Variants in LUZP2 observed in about 807,000 individuals in gnomAD.
The protein encoded by LUZP2 is leucine zipper protein 2.
Under a neutral mutation model 51.6 loss-of-function variants are expected in LUZP2, and 52 were observed. That is an observed-to-expected ratio of 1.01 (90% CI 0.81 to 1.27). The LOEUF (loss-of-function observed/expected upper bound fraction) is 1.27, where lower values mean the gene tolerates loss of function less well. Ranked by LOEUF, LUZP2 falls within the 50% of genes most tolerant of loss-of-function variation. The pLI is 0.00. For synonymous variants in LUZP2, 154 were observed against 137.3 expected (o/e 1.12, Z -0.85); for missense variants, 436 against 395.4 (o/e 1.10, Z -0.87).
At chr11:24,938,223 C>T (rs879542406) in intron 7 of LUZP2, among the ~76,000 whole-genome samples, 3 of 152,014 alleles carry the variant, frequency 2.0e-5, no homozygotes, top group African/African-American at 4.8e-5. Context: ...TATTGGGATA[C>T]ATTTTTTTTC....
intron 9 of LUZP2, among the ~76,000 whole-genome samples, chr11:24,992,708 C>A (rs149813827): frequency 9.6e-4 from 146 of 152,228 alleles, no homozygotes; most frequent in African/African-American, 3.3e-3. Flanking sequence ...TTTTCCCTGA[C>A]ATCTGCATTT....
intron 9 of LUZP2, among the ~76,000 whole-genome samples, chr11:25,026,713 G>C (rs1857503018): frequency 6.6e-6 from 1 of 151,986 alleles, no homozygotes; most frequent in Admixed American, 6.6e-5. Context: ...CTATGATACA[G>C]TGTACACAGT....
intron 1 of LUZP2, among the ~76,000 whole-genome samples, chr11:24,637,788 GA>G (rs113631186): frequency 5.3e-5 from 8 of 151,944 alleles, no homozygotes; most frequent in African/African-American, 1.7e-4. Flanking sequence ...TGTTTATCAA[GA>G]CAATGAGTGC....
intron 5 of LUZP2, among the ~76,000 whole-genome samples, chr11:24,884,077 T>C (rs1852584848): frequency 6.6e-6 from 1 of 152,022 alleles, no homozygotes; most frequent in Non-Finnish European, 1.5e-5. Context: ...TAGGAGTAAT[T>C]ACAGGTGAAT....
intron 5 of LUZP2, among the ~76,000 whole-genome samples, chr11:24,847,091 G>C (rs186969282): frequency 6.6e-6 from 1 of 151,546 alleles, no homozygotes. Context: ...TCAGTTACTT[G>C]AAAACACATT....
chr11:24,530,189 C>T (rs11027978), intron 1 of LUZP2, among the ~76,000 whole-genome samples: 28,596 of 150,640 alleles, frequency 0.19, 4,721 homozygotes, highest in African/African-American at 0.44. Flanking sequence ...ATTTTAAATG[C>T]AATGTACATG....
intron 9 of LUZP2, among the ~76,000 whole-genome samples, chr11:25,048,482 A>G (rs114143039): frequency 2.3e-3 from 348 of 152,352 alleles, no homozygotes; most frequent in African/African-American, 8.0e-3. Context: ...GGTGAACTCT[A>G]TGAAGACCCA....
At chr11:25,072,845 A>C (rs1293254754) in intron 10 of LUZP2, among the ~76,000 whole-genome samples, 1 of 152,136 alleles carries the variant, frequency 6.6e-6, no homozygotes, top group African/African-American at 2.4e-5. Flanking sequence ...ATTTGGTGTC[A>C]TCTTGAAGCC....
intron 5 of LUZP2, among the ~76,000 whole-genome samples, chr11:24,883,156 C>A (rs113331812): frequency 1.7e-4 from 26 of 151,898 alleles, no homozygotes; most frequent in African/African-American, 5.8e-4. Flanking sequence ...ACAATGAGGT[C>A]ATTATTCAAA....
intron 1 of LUZP2, among the ~76,000 whole-genome samples, chr11:24,542,647 CTTTA>C (rs1398879296): frequency 2.0e-5 from 3 of 151,832 alleles, no homozygotes; most frequent in African/African-American, 4.8e-5. Flanking sequence ...GGGAAAAAGT[CTTTA>C]TTTGAGTGCT....
At chr11:24,969,301 A>T (rs1324988812) in intron 7 of LUZP2, among the ~76,000 whole-genome samples, 3 of 152,102 alleles carry the variant, frequency 2.0e-5, no homozygotes, top group African/African-American at 7.2e-5. Context: ...TAAGGATAAT[A>T]GCCTAATCCT....
At chr11:24,679,950 G>A (rs1181154230) in intron 1 of LUZP2, among the ~76,000 whole-genome samples, 1 of 152,128 alleles carries the variant, frequency 6.6e-6, no homozygotes, top group Admixed American at 6.5e-5. Flanking sequence ...GAGCGATGAA[G>A]TGCTATTCCT....
chr11:25,021,787 G>T (rs537505041), intron 9 of LUZP2, among the ~76,000 whole-genome samples: 1 of 152,010 alleles, frequency 6.6e-6, no homozygotes, highest in Admixed American at 6.6e-5. Flanking sequence ...GGAATATAGA[G>T]AGTCTGTGAA....
intron 1 of LUZP2, among the ~76,000 whole-genome samples, chr11:24,713,934 G>A (rs1229614197): frequency 1.5e-5 from 2 of 136,768 alleles, no homozygotes; most frequent in East Asian, 4.4e-4. Context: ...GACCTCAGGT[G>A]ATCTGCCCAC....
rs546800730 is a variant in LUZP2 at position 25,079,389 on chromosome 11, G to A, written c.*731G>A. The A allele has an allele frequency of 6.6e-6, 1 of 152,202 alleles. No homozygotes were observed. The highest frequency in any genetic ancestry group is 1.5e-5 in the Non-Finnish European group (1 of 67,978). The allele number at this position is 152,202 out of a possible 1,614,324, so 9.4% of individuals were successfully genotyped here. On this transcript the variant is annotated 3_prime_UTR_variant, in exon 12 of 12. Coordinates refer to ENST00000336930, the MANE Select transcript of LUZP2 (RefSeq NM_001009909.4). ...ATCCAAGTTAATAACCAAGTTTTCT[G>A]AAATACTTGGCAGGATTTTTGGTAT...
chr11:24,553,211 A>C lies in LUZP2; in HGVS notation c.62+55906A>C, dbSNP rs1851770924. ...GTGCGTGTTGAATAATTCAAAACAC[A>C]AGAAGGAAGGGGCCAAAAACAATGT... On this transcript the variant is annotated intron_variant, in intron 1 of 11. Transcript: ENST00000336930. 2.0e-5 allele frequency among the ~76,000 whole-genome samples: 3 copies of C among 151,954 alleles called. No homozygotes were observed. In the East Asian group the frequency reaches 5.8e-4, roughly 29 times the overall value.
intron 9 of LUZP2, among the ~76,000 whole-genome samples, chr11:24,995,344 G>C (rs1005429572): frequency 6.6e-6 from 1 of 152,156 alleles, no homozygotes; most frequent in Admixed American, 6.5e-5. Flanking sequence ...AGTGAGCACA[G>C]ATTGCACCAC....
intron 3 of LUZP2, among the ~76,000 whole-genome samples, chr11:24,733,264 A>G (rs922584229): frequency 2.4e-4 from 37 of 151,944 alleles, no homozygotes; most frequent in African/African-American, 8.4e-4. Flanking sequence ...AAAGTCTAAT[A>G]TTAAGAAAAA....
intron 1 of LUZP2, among the ~76,000 whole-genome samples, chr11:24,602,850 A>G (rs1033507651): frequency 6.6e-6 from 1 of 151,786 alleles, no homozygotes; most frequent in Non-Finnish European, 1.5e-5. Context: ...GGGAAGAAGT[A>G]CAGTGAGATT....
Sources: allele counts gnomAD v4.1 joint callset (sites outside exome capture counted in the v4.1 genomes callset), GRCh38; gene constraint gnomAD v4.1.1; transcripts MANE v1.5; gene names NCBI Gene and HGNC (gene_info 2026-07-23, HGNC 2026-07-21).